The following EPHB2 variants were observed in gnomAD, a reference collection of about 807,000 sequenced individuals.
EPHB2 encodes the protein EPH receptor B2.
Under a neutral mutation model 96.4 loss-of-function variants are expected in EPHB2, and 18 were observed. That is an observed-to-expected ratio of 0.19 (90% CI 0.13 to 0.28). The LOEUF is 0.28. Ranked by LOEUF, EPHB2 falls within the 10% of genes least tolerant of loss-of-function variation. EPHB2 has a pLI of 1.00. For missense variants in EPHB2, 989 were observed against 1,355.4 expected (o/e 0.73, Z 4.25); for synonymous variants, 506 against 534.1 (o/e 0.95, Z 0.72).
At chr1:22,749,857 G>A (rs936746423) in intron 1 of EPHB2, among the ~76,000 whole-genome samples, 2 of 152,076 alleles carry the variant, frequency 1.3e-5, no homozygotes, top group African/African-American at 4.8e-5. Flanking sequence ...AAAGACATAC[G>A]GACAAAAGGA....
chr1:22,914,841 C>G lies in EPHB2; in HGVS notation c.*1271C>G, dbSNP rs944486300. ...GAGGCGCCAAGGTGGAGGAGCTTCCCACTCCAGGACTGTTGATGAAAGGGA... is the reference window on the plus strand; with the variant it reads ...GAGGCGCCAAGGTGGAGGAGCTTCCGACTCCAGGACTGTTGATGAAAGGGA... On this transcript the variant is annotated 3_prime_UTR_variant, in exon 16 of 16. Transcript: ENST00000374630. The G allele has an allele frequency of 1.3e-5, 2 of 152,568 alleles. No homozygotes were observed. The highest frequency in any genetic ancestry group is 4.8e-5 in the African/African-American group (2 of 41,420). The allele number at this position is 152,568 out of a possible 1,614,324, so 9.5% of individuals were successfully genotyped here.
intron 3 of EPHB2, among the ~76,000 whole-genome samples, chr1:22,793,915 C>T (rs1644732211): frequency 6.6e-6 from 1 of 151,654 alleles, no homozygotes; most frequent in South Asian, 2.1e-4. Flanking sequence ...ACTTATTAAC[C>T]TGAAGAGATT....
At chr1:22,859,299 G>GCA (rs1557717544) in intron 3 of EPHB2, among the ~76,000 whole-genome samples, 1 of 144,456 alleles carries the variant, frequency 6.9e-6, no homozygotes, top group African/African-American at 2.6e-5. Context: ...GGGCCTGGTG[G>GCA]GGGGGGGGGT....
At chr1:22,745,399 G>GA (rs1235544599) in intron 1 of EPHB2, among the ~76,000 whole-genome samples, 3 of 152,150 alleles carry the variant, frequency 2.0e-5, no homozygotes, top group Non-Finnish European at 1.5e-5. Context: ...CAGGCAAAAC[G>GA]AATCAATGGC....
intron 3 of EPHB2, among the ~76,000 whole-genome samples, chr1:22,856,158 G>C (rs535549134): frequency 3.9e-5 from 6 of 152,136 alleles, no homozygotes; most frequent in African/African-American, 1.4e-4. Context: ...TGGGAGGAGA[G>C]GGGGGAGCAG....
chr1:22,829,491 C>T (rs1335420471), intron 3 of EPHB2, among the ~76,000 whole-genome samples: 2 of 152,228 alleles, frequency 1.3e-5, no homozygotes, highest in Admixed American at 6.5e-5. Context: ...GGCCTCCCTA[C>T]AACTGGCCTT....
chr1:22,796,375 C>A (rs555154413), intron 3 of EPHB2, among the ~76,000 whole-genome samples: 1 of 152,298 alleles, frequency 6.6e-6, no homozygotes, highest in African/African-American at 2.4e-5. Context: ...TCGGGCCTTC[C>A]CAGTCTCTTC....
At chr1:22,734,306 T>G (rs1327842865) in intron 1 of EPHB2, among the ~76,000 whole-genome samples, 1 of 152,172 alleles carries the variant, frequency 6.6e-6, no homozygotes, top group Non-Finnish European at 1.5e-5. Context: ...CAGTCTCACC[T>G]GAGCTTCACA....
rs373049043 is a variant in EPHB2 at position 22,855,315 on chromosome 1, C to T, written c.812-7722C>T. On this transcript the variant is annotated intron_variant, in intron 3 of 15. Transcript: ENST00000374630. ...CCCAACTGAAACCCAGAACTGACTTCCTAGAGATTCCAAGGCAGGAAAGCG... is the reference window on the plus strand; with the variant it reads ...CCCAACTGAAACCCAGAACTGACTTTCTAGAGATTCCAAGGCAGGAAAGCG... Among the ~76,000 whole-genome samples, 103 of 152,330 alleles carry T rather than the reference C, an allele frequency of 6.8e-4. 2 individuals are homozygous for T. The South Asian group carries it at 0.02, about 30-fold the overall frequency.
At chr1:22,844,440 G>C (rs1645512671) in intron 3 of EPHB2, among the ~76,000 whole-genome samples, 1 of 152,236 alleles carries the variant, frequency 6.6e-6, no homozygotes, top group Non-Finnish European at 1.5e-5. Context: ...AGGCAGCTGA[G>C]AGGCTGGCCC....
At chr1:22,853,061 C>T (rs3935109) in intron 3 of EPHB2, among the ~76,000 whole-genome samples, 4,689 of 152,286 alleles carry the variant, frequency 0.031, 217 homozygotes, top group African/African-American at 0.1. Context: ...CACAAGATTC[C>T]GCCTTTCGGC....
At position 22,882,417 on chromosome 1, in the gene EPHB2, G is replaced by T. The variant is rs776333704; in HGVS notation, c.1362G>T (p.Leu454=). 1.2e-6 allele frequency: 2 copies of T among 1,614,194 alleles called. No individual in the cohort carries two copies. The part of the protein sequence containing the change: ...QVSRTVDSIT[L]SWSQPDQPNG... ...GCCGCACCGTGGACAGCATTACCCT[G>T]TCGTGGTCCCAGCCGGACCAGCCCA... The change falls in exon 6 of 16, where the codon CTG becomes CTT. Residue 454 remains leucine (L), a synonymous_variant. Coordinates refer to ENST00000374630, the MANE Select transcript of EPHB2 (RefSeq NM_017449.5).
rs114312998 is a variant in EPHB2 at position 22,879,741 on chromosome 1, T to C, written c.1304-2618T>C. 1.4e-3 allele frequency among the ~76,000 whole-genome samples: 213 copies of C among 152,376 alleles called. 1 individual carries two copies. Among genetic ancestry groups the C allele is most frequent in the African/African-American group, 4.8e-3 (199 of 41,588 alleles). On this transcript the variant is annotated intron_variant, in intron 5 of 15. Coordinates refer to ENST00000374630, the MANE Select transcript of EPHB2 (RefSeq NM_017449.5). ...CTGCAAGTCCATGCTCAGTGCACTGTGGCAGGTGACACCTGCAAACACCCA... is the reference window on the plus strand; with the variant it reads ...CTGCAAGTCCATGCTCAGTGCACTGCGGCAGGTGACACCTGCAAACACCCA...
intron 3 of EPHB2, among the ~76,000 whole-genome samples, chr1:22,803,409 C>A (rs1173292785): frequency 6.6e-6 from 1 of 151,912 alleles, no homozygotes; most frequent in African/African-American, 2.4e-5. Context: ...GGGTTCAAGA[C>A]TAGCCTGGGC....
In EPHB2 at chr1:22,750,412, A is replaced by G. The variant is rs76691215; in HGVS notation, c.62-31009A>G. Among the ~76,000 whole-genome samples, 966 of 152,306 alleles carry G rather than the reference A, an allele frequency of 6.3e-3. 9 individuals are homozygous for G. Among genetic ancestry groups the G allele is most frequent in the East Asian group, 0.043 (224 of 5,180 alleles). On this transcript the variant is annotated intron_variant, in intron 1 of 15. Coordinates refer to ENST00000374630, the MANE Select transcript of EPHB2 (RefSeq NM_017449.5). Reference sequence around the variant, plus strand: ...TGGAGTCCTGGGTCACCAGAGCCAGACTTCTGATGTGCTTTAGTCCTGTGT... The same window carrying G: ...TGGAGTCCTGGGTCACCAGAGCCAGGCTTCTGATGTGCTTTAGTCCTGTGT...
At chr1:22,774,607 G>A (rs1489684670) in intron 1 of EPHB2, 1 of 985,328 alleles carries the variant, frequency 1.0e-6, no homozygotes, top group Non-Finnish European at 1.2e-6. Flanking sequence ...TGGATGGCTG[G>A]ATACGAGAGA....
chr1:22,869,991 G>A (rs187696746), intron 5 of EPHB2, among the ~76,000 whole-genome samples: 147 of 152,328 alleles, frequency 9.7e-4, no homozygotes, highest in Non-Finnish European at 1.8e-3. Context: ...TTGCAGAAGG[G>A]TTCGGAGAAG....
chr1:22,809,481 CA>C (rs1395199730), intron 3 of EPHB2, among the ~76,000 whole-genome samples: 1 of 152,202 alleles, frequency 6.6e-6, no homozygotes, highest in Non-Finnish European at 1.5e-5. Context: ...TATTAATATA[CA>C]TAACGTATAT....
chr1:22,773,608 C>T (rs373093140), intron 1 of EPHB2, among the ~76,000 whole-genome samples: 1 of 152,192 alleles, frequency 6.6e-6, no homozygotes, highest in Non-Finnish European at 1.5e-5. Flanking sequence ...GCCTAATTTC[C>T]TCTGCCAAGA....
Sources: gnomAD v4.1 joint callset for allele counts (sites outside exome capture counted in the v4.1 genomes callset) on GRCh38, gnomAD v4.1.1 for gene constraint, MANE v1.5 for transcripts, NCBI Gene and HGNC (gene_info 2026-07-23, HGNC 2026-07-21) for gene names.